The following ZNF609 variants were observed in gnomAD, a reference collection of about 807,000 sequenced individuals.
ZNF609 encodes the protein zinc finger protein 609.
In ZNF609, 11 loss-of-function variants were observed where a neutral mutation model predicts 109.5. That is an observed-to-expected ratio of 0.10 (90% CI 0.06 to 0.17). The LOEUF is 0.17. Among genes scored for constraint, ZNF609 ranks in the 10% least tolerant of loss-of-function variants. The pLI, the probability that ZNF609 is intolerant of heterozygous loss-of-function variation, is 1.00. For synonymous variants in ZNF609, 646 were observed against 662.0 expected, an observed-to-expected ratio of 0.98 and a Z score of 0.37; for missense variants, 1,559 against 1,772.4, an observed-to-expected ratio of 0.88 and a Z score of 2.16.
At chr15:64,603,634 C>T (rs544991072) in intron 2 of ZNF609, among the ~76,000 whole-genome samples, 2 of 152,054 alleles carry the variant, frequency 1.3e-5, no homozygotes, top group African/African-American at 2.4e-5. Flanking sequence ...TTATGCCAAA[C>T]TATTGTGGCC....
intron 2 of ZNF609, among the ~76,000 whole-genome samples, chr15:64,572,708 C>G: frequency 6.6e-6 from 1 of 151,994 alleles, no homozygotes; most frequent in South Asian, 2.1e-4. Context: ...GCCTGACCAA[C>G]ATGGAGAAAC....
intron 3 of ZNF609, among the ~76,000 whole-genome samples, chr15:64,653,143 A>C (rs188653730): frequency 2.1e-3 from 314 of 152,336 alleles, no homozygotes; most frequent in Non-Finnish European, 3.7e-3. Flanking sequence ...TAGCTACTAT[A>C]AAATATGTTC....
chr15:64,616,953 T>G (rs1595740560), intron 2 of ZNF609, among the ~76,000 whole-genome samples: 1 of 149,490 alleles, frequency 6.7e-6, no homozygotes, highest in East Asian at 2.0e-4. Flanking sequence ...GGATTACAGG[T>G]GCACACCACC....
At chr15:64,543,709 G>T (rs879336953) in intron 2 of ZNF609, among the ~76,000 whole-genome samples, 2 of 152,070 alleles carry the variant, frequency 1.3e-5, no homozygotes, top group African/African-American at 4.8e-5. Flanking sequence ...CTCCCAAAGT[G>T]CTAGGATTAC....
chr15:64,526,023 C>T (rs1835533552), intron 2 of ZNF609, among the ~76,000 whole-genome samples: 1 of 151,652 alleles, frequency 6.6e-6, no homozygotes, highest in African/African-American at 2.4e-5. Context: ...CTCCTGGCCT[C>T]GAGTGATCTG....
chr15:64,462,541 A>G (rs1457351748), intron 1 of ZNF609, among the ~76,000 whole-genome samples: 1 of 152,200 alleles, frequency 6.6e-6, no homozygotes, highest in Non-Finnish European at 1.5e-5. Context: ...GAATGAAGCC[A>G]GAGGATGGCT....
intron 2 of ZNF609, among the ~76,000 whole-genome samples, chr15:64,525,845 A>C (rs1007897140): frequency 1.3e-5 from 2 of 151,060 alleles, no homozygotes; most frequent in Non-Finnish European, 2.9e-5. Context: ...GTACAGTGGC[A>C]CAGTCTTGGC....
rs142891993 is a variant in ZNF609, at chr15:64,657,541, T to C, written c.974-12805T>C. On this transcript the variant is annotated intron_variant, in intron 3 of 9. Coordinates refer to ENST00000326648, the MANE Select transcript of ZNF609 (RefSeq NM_015042.2). ...AGGCAGGAGAATCACTTGAACCCCGTAGACGGAGGTTGCAGTGAGCTGAGA... is the reference window on the plus strand; with the variant it reads ...AGGCAGGAGAATCACTTGAACCCCGCAGACGGAGGTTGCAGTGAGCTGAGA... 2.0e-5 allele frequency among the ~76,000 whole-genome samples: 3 copies of C among 152,054 alleles called. No homozygotes were observed. The East Asian group carries it at 5.8e-4, about 29-fold the overall frequency.
At chr15:64,666,447 T>G (rs1896649786) in intron 3 of ZNF609, among the ~76,000 whole-genome samples, 1 of 152,194 alleles carries the variant, frequency 6.6e-6, no homozygotes, top group African/African-American at 2.4e-5. Flanking sequence ...AAATATTCAA[T>G]AAGATAATAT....
chr15:64,595,001 CAAAA>C (rs545783193), intron 2 of ZNF609, among the ~76,000 whole-genome samples: 1 of 66,962 alleles, frequency 1.5e-5, no homozygotes. Flanking sequence ...GGCTCCGTCT[CAAAA>C]AAAAAAAAAA....
intron 1 of ZNF609, among the ~76,000 whole-genome samples, chr15:64,477,371 A>T (rs1219430984): frequency 1.5e-4 from 23 of 151,304 alleles, no homozygotes; most frequent in Non-Finnish European, 3.1e-4. Context: ...CGATCTCCTG[A>T]CCTCGTGATC....
chr15:64,511,734 A>G (rs1265879123), intron 2 of ZNF609, among the ~76,000 whole-genome samples: 1 of 132,470 alleles, frequency 7.5e-6, no homozygotes, highest in Non-Finnish European at 1.6e-5. Flanking sequence ...TTTTTTTTTG[A>G]GACTGAGTCT....
intron 2 of ZNF609, among the ~76,000 whole-genome samples, chr15:64,525,631 T>C (rs1412789346): frequency 1.3e-5 from 2 of 152,314 alleles, no homozygotes; most frequent in South Asian, 2.1e-4. Flanking sequence ...TTGATGGAGA[T>C]TGTATTGAAT....
chr15:64,577,705 A>G (rs560288455), intron 2 of ZNF609, among the ~76,000 whole-genome samples: 1 of 146,540 alleles, frequency 6.8e-6, no homozygotes, highest in East Asian at 2.0e-4. Context: ...ATATATAAAG[A>G]AAACAAGGTC....
At chr15:64,629,489 A>G (rs541685217) in intron 3 of ZNF609, among the ~76,000 whole-genome samples, 13 of 152,278 alleles carry the variant, frequency 8.5e-5, no homozygotes, top group African/African-American at 2.9e-4. Context: ...CAGGCTCCTT[A>G]AAGTTACTTC....
At chr15:64,470,410 AG>A (rs1428131064) in intron 1 of ZNF609, 1 of 152,184 alleles carries the variant, frequency 6.6e-6, no homozygotes, top group Admixed American at 6.6e-5. Context: ...ATGACGAACA[AG>A]GGGGTATCTC....
chr15:64,589,611 G>A (rs2140936916), intron 2 of ZNF609, among the ~76,000 whole-genome samples: 1 of 152,276 alleles, frequency 6.6e-6, no homozygotes. Context: ...AAGTCCATTT[G>A]TCGTAATCAT....
At chr15:64,540,898 T>C (rs1481888489) in intron 2 of ZNF609, among the ~76,000 whole-genome samples, 5 of 149,496 alleles carry the variant, frequency 3.3e-5, no homozygotes, top group Admixed American at 6.7e-5. Flanking sequence ...CATGGTGGCA[T>C]GCACCTGTAG....
intron 2 of ZNF609, among the ~76,000 whole-genome samples, chr15:64,515,589 A>T (rs74019257): frequency 6.6e-6 from 1 of 152,010 alleles, no homozygotes; most frequent in African/African-American, 2.4e-5. Context: ...GATAGAGGAG[A>T]CTTAAAGGCT....
Sources: gnomAD v4.1 joint callset for allele counts (sites outside exome capture counted in the v4.1 genomes callset) on GRCh38, gnomAD v4.1.1 for gene constraint, MANE v1.5 for transcripts, NCBI Gene and HGNC (gene_info 2026-07-23, HGNC 2026-07-21) for gene names.